Variants in LRMDA observed in about 807,000 individuals in gnomAD.
LRMDA encodes leucine-rich melanocyte differentiation-associated protein.
A neutral mutation model predicts 29.8 loss-of-function variants in LRMDA; 18 were observed. That is an observed-to-expected ratio of 0.60 (90% CI 0.42 to 0.90). The LOEUF (loss-of-function observed/expected upper bound fraction) is 0.90. Ranked by LOEUF, LRMDA falls within the 40% of genes least tolerant of loss-of-function variation. LRMDA has a pLI of 0.00. For missense variants in LRMDA, 273 were observed against 273.9 expected (o/e 1.00, Z 0.02); for synonymous variants, 125 against 109.4 (o/e 1.14, Z -0.89).
intron 5 of LRMDA, among the ~76,000 whole-genome samples, chr10:76,208,056 A>C (rs757126743): frequency 4.6e-5 from 7 of 152,166 alleles, no homozygotes; most frequent in Non-Finnish European, 1.0e-4. Context: ...ACCAAGATGC[A>C]GTTACGTTTA....
chr10:76,044,740 A>G (rs546232861), intron 3 of LRMDA, among the ~76,000 whole-genome samples: 56 of 152,158 alleles, frequency 3.7e-4, no homozygotes, highest in Non-Finnish European at 5.6e-4. Flanking sequence ...GTGTTCCTGT[A>G]TGGCCATCTC....
At chr10:76,452,723 T>A (rs917007474) in intron 6 of LRMDA, among the ~76,000 whole-genome samples, 1 of 152,184 alleles carries the variant, frequency 6.6e-6, no homozygotes, top group Non-Finnish European at 1.5e-5. Context: ...GGGAGGATGG[T>A]TTAAAAAGTT....
At chr10:76,251,760 C>T (rs949419807) in intron 5 of LRMDA, among the ~76,000 whole-genome samples, 6 of 152,296 alleles carry the variant, frequency 3.9e-5, no homozygotes, top group Middle Eastern at 3.4e-3. Flanking sequence ...ATTCAAGGAG[C>T]ATGTTTATCT....
chr10:76,187,687 G>T (rs1466774818), intron 5 of LRMDA, among the ~76,000 whole-genome samples: 1 of 152,240 alleles, frequency 6.6e-6, no homozygotes, highest in East Asian at 1.9e-4. Context: ...TGGGGACAGA[G>T]GTAAGGAAGG....
chr10:76,056,312 G>A (rs931669849), intron 4 of LRMDA, among the ~76,000 whole-genome samples: 2 of 152,150 alleles, frequency 1.3e-5, no homozygotes, highest in African/African-American at 4.8e-5. Flanking sequence ...GCCACAGCAG[G>A]GTCCAGAAAA....
At chr10:75,585,264 A>G (rs189404849) in intron 2 of LRMDA, among the ~76,000 whole-genome samples, 1 of 152,292 alleles carries the variant, frequency 6.6e-6, no homozygotes, top group East Asian at 1.9e-4. Context: ...TATTGCTCAA[A>G]ATGTCCTTGC....
At chr10:76,461,080 C>A (rs933569172) in intron 6 of LRMDA, among the ~76,000 whole-genome samples, 1 of 152,042 alleles carries the variant, frequency 6.6e-6, no homozygotes, top group African/African-American at 2.4e-5. Context: ...CTTCTAAGGA[C>A]AATATAAAAC....
chr10:75,751,949 T>A (rs1189466513), intron 2 of LRMDA, among the ~76,000 whole-genome samples: 1 of 151,982 alleles, frequency 6.6e-6, no homozygotes, highest in African/African-American at 2.4e-5. Flanking sequence ...TCTTTTCAAT[T>A]CTCTTTCAAT....
chr10:75,573,232 A>T (rs1840458832), intron 2 of LRMDA, among the ~76,000 whole-genome samples: 4 of 152,130 alleles, frequency 2.6e-5, no homozygotes, highest in Admixed American at 2.0e-4. Context: ...CAGGTTTTTC[A>T]TTATAATATT....
At chr10:76,149,969 A>G (rs1434229925) in intron 5 of LRMDA, among the ~76,000 whole-genome samples, 1 of 152,210 alleles carries the variant, frequency 6.6e-6, no homozygotes, top group East Asian at 1.9e-4. Flanking sequence ...AGAGAGGTGG[A>G]CCAACCAGGG....
chr10:76,059,684 A>T (rs963927779), intron 5 of LRMDA, among the ~76,000 whole-genome samples: 1 of 152,198 alleles, frequency 6.6e-6, no homozygotes, highest in African/African-American at 2.4e-5. Flanking sequence ...GACTTATAGC[A>T]CTCTGCATGT....
intron 6 of LRMDA, among the ~76,000 whole-genome samples, chr10:76,511,040 G>A (rs1046320924): frequency 1.3e-5 from 2 of 152,160 alleles, no homozygotes; most frequent in African/African-American, 4.8e-5. Flanking sequence ...TGGGATATTT[G>A]AATTGTCTCT....
chr10:76,463,244 G>A (rs1402726019), intron 6 of LRMDA, among the ~76,000 whole-genome samples: 1 of 152,168 alleles, frequency 6.6e-6, no homozygotes, highest in Non-Finnish European at 1.5e-5. Flanking sequence ...GTAATTGTGG[G>A]CCAGATGCTT....
chr10:76,438,412 T>G (rs1218591312), intron 6 of LRMDA: 2 of 152,230 alleles, frequency 1.3e-5, no homozygotes, highest in Non-Finnish European at 2.9e-5. Flanking sequence ...TCTCTTTCTT[T>G]CAGAGCCTTG....
intron 2 of LRMDA, among the ~76,000 whole-genome samples, chr10:75,826,423 T>C (rs1158293409): frequency 6.6e-6 from 1 of 151,920 alleles, no homozygotes; most frequent in Non-Finnish European, 1.5e-5. Context: ...GGTAGAGTAA[T>C]GAAAAATGAC....
intron 2 of LRMDA, among the ~76,000 whole-genome samples, chr10:75,697,249 G>C (rs574937451): frequency 5.7e-4 from 86 of 151,922 alleles, no homozygotes; most frequent in South Asian, 8.3e-4. Flanking sequence ...AGAATGATTT[G>C]ACTTTCTAAT....
At chr10:76,014,628 A>G (rs945954266) in intron 2 of LRMDA, among the ~76,000 whole-genome samples, 2 of 152,240 alleles carry the variant, frequency 1.3e-5, no homozygotes, top group Non-Finnish European at 2.9e-5. Flanking sequence ...TGGAGAACTC[A>G]AAAATGCTTT....
At chr10:75,433,981 G>A (rs943412670) in intron 1 of LRMDA, among the ~76,000 whole-genome samples, 2 of 152,184 alleles carry the variant, frequency 1.3e-5, no homozygotes, top group African/African-American at 4.8e-5. Context: ...GATGCCACAT[G>A]CCTGGGGATG....
intron 5 of LRMDA, 128 bp downstream of exon 5, chr10:76,058,911 A>T: frequency 1.4e-6 from 1 of 732,058 alleles, no homozygotes; most frequent in South Asian, 1.6e-5. Flanking sequence ...GGGTCCTTCC[A>T]TGGATACATT....
Sources: allele counts gnomAD v4.1 joint callset (sites outside exome capture counted in the v4.1 genomes callset), GRCh38; gene constraint gnomAD v4.1.1; transcripts MANE v1.5; gene names NCBI Gene and HGNC (gene_info 2026-07-23, HGNC 2026-07-21).